Variants in VPS13B observed in about 807,000 individuals in gnomAD.
VPS13B encodes vacuolar protein sorting 13 homolog B, also known as intermembrane lipid transfer protein VPS13B.
Under a neutral mutation model 426.4 loss-of-function variants are expected in VPS13B, and 285 were observed. That is an observed-to-expected ratio of 0.67 (90% CI 0.61 to 0.74). The LOEUF (loss-of-function observed/expected upper bound fraction) is 0.74, where lower values mean the gene tolerates loss of function less well. VPS13B is among the 30% of genes least tolerant of loss of function. VPS13B has a pLI of 0.00. For synonymous variants in VPS13B, 1,676 were observed against 1,676.4 expected, an observed-to-expected ratio of 1.00 and a Z score of 0.01; for missense variants, 4,537 against 4,782.6, an observed-to-expected ratio of 0.95 and a Z score of 1.51.
intron 17 of VPS13B, among the ~76,000 whole-genome samples, chr8:99,262,666 C>T (rs1044329757): frequency 3.3e-5 from 5 of 152,184 alleles, no homozygotes; most frequent in African/African-American, 1.2e-4. Context: ...AATAATTTAC[C>T]TCTTTTCTCT....
chr8:99,134,949 A>G, intron 9 of VPS13B, 66 bp from the exon 10 acceptor site: 8 of 1,584,218 alleles, frequency 5.0e-6, no homozygotes, highest in Non-Finnish European at 6.9e-6. Context: ...GAGATTCTAC[A>G]AGGAAAGCCT....
intron 8 of VPS13B, among the ~76,000 whole-genome samples, chr8:99,126,647 T>G (rs1286007384): frequency 6.6e-6 from 1 of 152,202 alleles, no homozygotes; most frequent in South Asian, 2.1e-4. Flanking sequence ...GATGTGGGAT[T>G]GATTTATGAG....
In VPS13B at chr8:99,543,383, A is replaced by G. The variant is rs567042540; in HGVS notation, c.4746-13067A>G. Among the ~76,000 whole-genome samples, 2 of 152,252 alleles carry G rather than the reference A, an allele frequency of 1.3e-5. 1 individual carries two copies. Among genetic ancestry groups the G allele is most frequent in the South Asian group, 4.1e-4 (2 of 4,824 alleles). Reference sequence around the variant, plus strand: ...CCTAGAAGAAAACCTAGGCATTACCATTCAGGACATAGGCATGGGCAAGGA... The same window carrying G: ...CCTAGAAGAAAACCTAGGCATTACCGTTCAGGACATAGGCATGGGCAAGGA... On this transcript the variant is annotated intron_variant, in intron 30 of 61. Transcript: ENST00000357162.
chr8:99,261,274 C>T (rs970969204), intron 17 of VPS13B, among the ~76,000 whole-genome samples: 2 of 152,190 alleles, frequency 1.3e-5, no homozygotes, highest in South Asian at 2.1e-4. Flanking sequence ...TGTGTTCTAC[C>T]TATTTATCCT....
At chr8:99,042,678 C>T (rs370508671) in intron 3 of VPS13B, among the ~76,000 whole-genome samples, 1 of 152,028 alleles carries the variant, frequency 6.6e-6, no homozygotes, top group Admixed American at 6.6e-5. Context: ...TTTGATACTG[C>T]GTCTTGCTGT....
intron 30 of VPS13B, among the ~76,000 whole-genome samples, chr8:99,538,185 G>T (rs1172118068): frequency 6.6e-6 from 1 of 152,026 alleles, no homozygotes; most frequent in African/African-American, 2.4e-5. Context: ...GAGTCTTAGA[G>T]GCAATAAGAA....
intron 30 of VPS13B, among the ~76,000 whole-genome samples, chr8:99,548,559 A>T (rs1376804841): frequency 6.6e-6 from 1 of 152,030 alleles, no homozygotes; most frequent in Non-Finnish European, 1.5e-5. Context: ...TTGAAAAGCT[A>T]GCATATGGTA....
At chr8:99,137,472 A>G (rs1005155069) in intron 12 of VPS13B, among the ~76,000 whole-genome samples, 1 of 152,090 alleles carries the variant, frequency 6.6e-6, no homozygotes, top group African/African-American at 2.4e-5. Context: ...TAGGCATTTA[A>G]GTAAATGATT....
intron 17 of VPS13B, among the ~76,000 whole-genome samples, chr8:99,259,281 G>T (rs1385415108): frequency 6.6e-6 from 1 of 152,032 alleles, no homozygotes. Context: ...AATCTTAGGA[G>T]AAAATTCGTT....
At position 99,543,896 on chromosome 8, in the gene VPS13B, T is replaced by A. The variant is rs1270689893; in HGVS notation, c.4746-12554T>A. On this transcript the variant is annotated intron_variant, in intron 30 of 61. Coordinates refer to ENST00000357162, the MANE Select transcript of VPS13B (RefSeq NM_152564.5). The stretch of plus-strand genomic sequence containing the variant: ...TAAACTAGTTCAACCATTGTGGAAG[T>A]CAGTGTGGCGATTCCTCAGGGATCT... Among the ~76,000 whole-genome samples, 13 of 143,878 alleles carry A rather than the reference T, an allele frequency of 9.0e-5. No homozygotes were observed. The East Asian group carries it at 2.2e-3, about 25-fold the overall frequency. The allele number at this position is 143,878 out of a possible 152,430, so 94.4% of individuals were successfully genotyped here.
At chr8:99,430,257 G>T (rs1817017398) in intron 21 of VPS13B, among the ~76,000 whole-genome samples, 1 of 152,122 alleles carries the variant, frequency 6.6e-6, no homozygotes, top group African/African-American at 2.4e-5. Context: ...AAGTTAGGGG[G>T]AGAGGGGAAG....
chr8:99,096,936 C>G (rs1287724934), intron 4 of VPS13B, among the ~76,000 whole-genome samples: 1 of 152,082 alleles, frequency 6.6e-6, no homozygotes, highest in Non-Finnish European at 1.5e-5. Context: ...TATCTTGAGA[C>G]TCTGGTATCT....
At chr8:99,763,011 G>A (rs1811011637) in intron 39 of VPS13B, among the ~76,000 whole-genome samples, 1 of 151,286 alleles carries the variant, frequency 6.6e-6, no homozygotes, top group African/African-American at 2.4e-5. Context: ...GGTGGCACGT[G>A]CCTGTGGTCC....
intron 17 of VPS13B, among the ~76,000 whole-genome samples, chr8:99,230,169 G>T (rs1376098239): frequency 6.6e-6 from 1 of 152,108 alleles, no homozygotes; most frequent in Admixed American, 6.6e-5. Context: ...TATTATACAT[G>T]TTGGGGTTTT....
chr8:99,821,159 CACACACA>C (rs1814342209), intron 49 of VPS13B, 128 bp from the exon 50 acceptor site: 33 of 643,722 alleles, frequency 5.1e-5, no homozygotes, highest in Non-Finnish European at 7.3e-5. Context: ...CACACACACA[CACACACA>C]CCATGGAGGG....
At chr8:99,262,292 C>G (rs562100022) in intron 17 of VPS13B, among the ~76,000 whole-genome samples, 5 of 152,226 alleles carry the variant, frequency 3.3e-5, no homozygotes, top group African/African-American at 1.2e-4. Flanking sequence ...TGACTTAACC[C>G]TAGAATGGGT....
chr8:99,767,987 C>T (rs1811311401), intron 40 of VPS13B, among the ~76,000 whole-genome samples: 1 of 152,162 alleles, frequency 6.6e-6, no homozygotes, highest in African/African-American at 2.4e-5. Context: ...GCCTACTTAA[C>T]ACATCCACTA....
chr8:99,571,651 T>A lies in VPS13B; in HGVS notation c.4950-4007T>A, dbSNP rs1297153889. On this transcript the variant is annotated intron_variant, in intron 31 of 61. Coordinates refer to ENST00000357162, the MANE Select transcript of VPS13B (RefSeq NM_152564.5). ...CTGCCAACTTTTCCATTTTAAGGTA[T>A]TTTTAATACATCATATATTTTAGCA... 5.9e-5 allele frequency among the ~76,000 whole-genome samples: 9 copies of A among 152,244 alleles called. No individual in the cohort carries two copies. In the South Asian group the frequency reaches 1.7e-3, roughly 28 times the overall value.
At chr8:99,549,093 G>T (rs1824142263) in intron 30 of VPS13B, among the ~76,000 whole-genome samples, 1 of 152,098 alleles carries the variant, frequency 6.6e-6, no homozygotes, top group African/African-American at 2.4e-5. Flanking sequence ...GACTAAGATT[G>T]TTGAAGAAAC....
Sources: allele counts gnomAD v4.1 joint callset (sites outside exome capture counted in the v4.1 genomes callset), GRCh38; gene constraint gnomAD v4.1.1; transcripts MANE v1.5; gene names NCBI Gene and HGNC (gene_info 2026-07-23, HGNC 2026-07-21).